Variants in PTPRK observed in about 807,000 individuals in gnomAD.
PTPRK encodes the protein receptor-type tyrosine-protein phosphatase kappa.
A neutral mutation model predicts 178.0 loss-of-function variants in PTPRK; 75 were observed. The ratio of observed to expected loss-of-function variants is 0.42; its 90% CI spans 0.35 to 0.51. PTPRK has a LOEUF of 0.51. PTPRK is among the 20% of genes least tolerant of loss of function. PTPRK has a pLI of 0.02. For synonymous variants in PTPRK, 637 were observed against 620.6 expected (o/e 1.03, Z -0.39); for missense variants, 1,441 against 1,797.8 (o/e 0.80, Z 3.59).
intron 8 of PTPRK, among the ~76,000 whole-genome samples, chr6:128,088,411 C>T (rs1562561792): frequency 6.6e-6 from 1 of 151,534 alleles, no homozygotes; most frequent in Non-Finnish European, 1.5e-5. Flanking sequence ...AAAAATGTAG[C>T]CCTACTGTCA....
chr6:128,083,319 T>C (rs1442649921), intron 9 of PTPRK, among the ~76,000 whole-genome samples: 1 of 152,068 alleles, frequency 6.6e-6, no homozygotes, highest in Admixed American at 6.6e-5. Context: ...TATTATTCCT[T>C]ACTCTGAAAC....
At chr6:128,459,899 A>AT (rs1848825771) in intron 1 of PTPRK, among the ~76,000 whole-genome samples, 3 of 142,320 alleles carry the variant, frequency 2.1e-5, no homozygotes, top group Admixed American at 6.7e-5. Flanking sequence ...GAGAGGGCTC[A>AT]GGGAGTTTTC....
chr6:128,361,015 A>C (rs1834672305), intron 2 of PTPRK, among the ~76,000 whole-genome samples: 1 of 152,186 alleles, frequency 6.6e-6, no homozygotes, highest in South Asian at 2.1e-4. Context: ...AATTCAGAGC[A>C]AATTAAGAAT....
intron 10 of PTPRK, among the ~76,000 whole-genome samples, chr6:128,082,149 A>G (rs915537127): frequency 2.0e-5 from 3 of 152,162 alleles, no homozygotes; most frequent in African/African-American, 4.8e-5. Flanking sequence ...CAAAAGTATC[A>G]TAAGATCTAT....
intron 3 of PTPRK, among the ~76,000 whole-genome samples, chr6:128,271,526 T>G (rs980763790): frequency 6.6e-6 from 1 of 152,140 alleles, no homozygotes; most frequent in African/African-American, 2.4e-5. Context: ...TGCTATTCTT[T>G]GATCTGGTTT....
chr6:128,345,590 AAAT>A (rs1832320342), intron 2 of PTPRK, among the ~76,000 whole-genome samples: 1 of 152,234 alleles, frequency 6.6e-6, no homozygotes, highest in South Asian at 2.1e-4. Context: ...TCTGAGAAAC[AAAT>A]AATTAGGTTA....
chr6:128,443,980 G>A (rs1241838624), intron 1 of PTPRK, among the ~76,000 whole-genome samples: 2 of 152,104 alleles, frequency 1.3e-5, no homozygotes, highest in Non-Finnish European at 2.9e-5. Context: ...AGACTCACGA[G>A]TAGCTGGGAC....
intron 3 of PTPRK, among the ~76,000 whole-genome samples, chr6:128,254,088 T>C (rs1034426644): frequency 6.6e-6 from 1 of 152,156 alleles, no homozygotes; most frequent in African/African-American, 2.4e-5. Context: ...TTCAAAAGTA[T>C]TGTGAACTTT....
At chr6:128,509,677 T>C (rs1347859585) in intron 1 of PTPRK, among the ~76,000 whole-genome samples, 1 of 152,106 alleles carries the variant, frequency 6.6e-6, no homozygotes, top group Non-Finnish European at 1.5e-5. Flanking sequence ...TTCTTCATTG[T>C]AATATTCTCA....
At chr6:128,313,371 T>A (rs1234320607) in intron 3 of PTPRK, among the ~76,000 whole-genome samples, 1 of 152,130 alleles carries the variant, frequency 6.6e-6, no homozygotes, top group Non-Finnish European at 1.5e-5. Context: ...CCTATAATAC[T>A]ATTGGAGGAA....
At chr6:127,998,026 G>A (rs147739571) in intron 16 of PTPRK, among the ~76,000 whole-genome samples, 1 of 152,162 alleles carries the variant, frequency 6.6e-6, no homozygotes, top group African/African-American at 2.4e-5. Flanking sequence ...GTAAGTGAAG[G>A]GTGGCAAAGG....
intron 2 of PTPRK, among the ~76,000 whole-genome samples, chr6:128,359,708 C>T (rs112676191): frequency 4.0e-5 from 6 of 151,868 alleles, no homozygotes; most frequent in East Asian, 1.9e-4. Context: ...GCTGAGATCA[C>T]GCCACTGCAC....
chr6:128,447,554 C>T (rs1416324772), intron 1 of PTPRK, among the ~76,000 whole-genome samples: 2 of 151,684 alleles, frequency 1.3e-5, no homozygotes, highest in East Asian at 1.9e-4. Flanking sequence ...CTGACCCATG[C>T]TTAATCTATT....
intron 13 of PTPRK, among the ~76,000 whole-genome samples, chr6:128,036,731 TCCTC>T (rs1207756092): frequency 6.9e-6 from 1 of 144,232 alleles, no homozygotes; most frequent in Non-Finnish European, 1.5e-5. Context: ...TCTTTCCGTC[TCCTC>T]CCTCCTTTTT....
chr6:128,228,490 CAAAAA>C (rs1173094515), intron 5 of PTPRK, among the ~76,000 whole-genome samples: 9 of 75,008 alleles, frequency 1.2e-4, no homozygotes, highest in African/African-American at 3.8e-4. Context: ...ACTAAAAATA[CAAAAA>C]AAAAAAAAAA....
chr6:128,094,234 G>A (rs111715751), intron 7 of PTPRK, among the ~76,000 whole-genome samples: 5,241 of 152,164 alleles, frequency 0.034, 158 homozygotes, highest in Middle Eastern at 0.092. Context: ...AGTCATTGAG[G>A]GTTTCTGAGC....
chr6:128,305,968 G>A lies in PTPRK; in HGVS notation c.495+16071C>T, dbSNP rs545856462. ...TACAATCATGGCAGAAGGCAAAGGCGAAGCAGATATCTTCTTCACAGGGTG... is the reference window on the plus strand; with the variant it reads ...TACAATCATGGCAGAAGGCAAAGGCAAAGCAGATATCTTCTTCACAGGGTG... On this transcript the variant is annotated intron_variant, in intron 3 of 29. Transcript: ENST00000368226. 3.5e-4 allele frequency among the ~76,000 whole-genome samples: 53 copies of A among 152,336 alleles called. 1 individual carries two copies. The highest frequency in any genetic ancestry group is 6.8e-4 in the Non-Finnish European group (46 of 68,026).
At chr6:128,512,540 A>G (rs1241896350) in intron 1 of PTPRK, among the ~76,000 whole-genome samples, 1 of 152,362 alleles carries the variant, frequency 6.6e-6, no homozygotes, top group East Asian at 1.9e-4. Flanking sequence ...TAGCACAAGT[A>G]GACACATTTA....
At chr6:128,203,216 A>G (rs1411505904) in intron 6 of PTPRK, among the ~76,000 whole-genome samples, 5 of 152,224 alleles carry the variant, frequency 3.3e-5, no homozygotes, top group Non-Finnish European at 4.4e-5. Context: ...ACTTCAATGG[A>G]ATTCAATATC....
Sources: allele counts gnomAD v4.1 joint callset (sites outside exome capture counted in the v4.1 genomes callset), GRCh38; gene constraint gnomAD v4.1.1; transcripts MANE v1.5; gene names NCBI Gene and HGNC (gene_info 2026-07-23, HGNC 2026-07-21).